ZNF138: variants seen among roughly 807,000 people sequenced by gnomAD.
The protein encoded by ZNF138 is zinc finger protein 138 (clone pHZ-32).
ZNF138 carries 33 observed loss-of-function variants against 33.0 expected under a neutral mutation model. That is an observed-to-expected ratio of 1.00 (90% CI 0.76 to 1.34). ZNF138 has a LOEUF of 1.34. Among genes scored for constraint, ZNF138 ranks in the 40% most tolerant of loss-of-function variants. The pLI is 0.00. For synonymous variants in ZNF138, 139 were observed against 120.4 expected (o/e 1.15, Z -1.01); for missense variants, 360 against 370.8 (o/e 0.97, Z 0.24).
At chr7:64,824,225 C>G (rs894153047) in intron 3 of ZNF138, among the ~76,000 whole-genome samples, 2 of 152,136 alleles carry the variant, frequency 1.3e-5, no homozygotes, top group Admixed American at 1.3e-4. Context: ...AAAATTTACA[C>G]TTAATTCACA....
At chr7:64,843,378 T>C in the ZNF138 span, among the ~76,000 whole-genome samples, 1 of 152,226 alleles carries the variant, frequency 6.6e-6, no homozygotes, top group Non-Finnish European at 1.5e-5. Context: ...GAGAAATCCT[T>C]ATTTTGTTTT....
chr7:64,854,677 G>A, the ZNF138 span, among the ~76,000 whole-genome samples: 1 of 152,154 alleles, frequency 6.6e-6, no homozygotes, highest in East Asian at 1.9e-4. Context: ...TCAATGGCTT[G>A]GCATAATTGA....
Position 64,819,451 on chromosome 7 carries a change from TCCA to T in ZNF138, c.208+3801_208+3803del, listed in dbSNP as rs1326304806. ...GGAAGGATCTTGGCTCACTGCAACC[TCCA>T]CCTTTTAGGCTCAAGTGATTCTCCT... is the stretch of plus-strand genomic sequence containing the variant. On this transcript the variant is annotated intron_variant, in intron 3 of 3. Transcript: ENST00000307355. Among the ~76,000 whole-genome samples the T allele has an allele frequency of 2.0e-5, 3 of 151,586 alleles. No individual in the cohort carries two copies. The East Asian group carries it at 5.9e-4, about 30-fold the overall frequency.
chr7:64,828,444 T>G (rs1171861856), intron 3 of ZNF138, among the ~76,000 whole-genome samples: 2 of 152,150 alleles, frequency 1.3e-5, no homozygotes, highest in Non-Finnish European at 2.9e-5. Context: ...TTTCCATGGC[T>G]GGCCCATTTC....
chr7:64,830,928 GT>G (rs1382601852), intron 3 of ZNF138: 1 of 1,548,538 alleles, frequency 6.5e-7, no homozygotes, highest in Non-Finnish European at 8.7e-7. Context: ...ACTGTTCCCT[GT>G]CTCTTTGCAG....
chr7:64,801,532 G>T (rs963931437), intron 1 of ZNF138, among the ~76,000 whole-genome samples: 1 of 152,062 alleles, frequency 6.6e-6, no homozygotes, highest in Non-Finnish European at 1.5e-5. Flanking sequence ...TATGTGGTTG[G>T]TATAATTTTG....
chr7:64,847,944 A>G, the ZNF138 span, among the ~76,000 whole-genome samples: 1 of 151,938 alleles, frequency 6.6e-6, no homozygotes. Context: ...TTTGTTTTAT[A>G]GGTCCTGTGA....
Position 64,805,255 on chromosome 7 carries a change from TG to T in ZNF138, c.4-9660del, listed in dbSNP as rs1432768889. ...CCACCAAAAATACAAAAAAATTAGC[TG>T]GGCGTGGTGGCAGGTGCCTGTAATC... On this transcript the variant is annotated intron_variant, in intron 1 of 3. Transcript: ENST00000307355. Among the ~76,000 whole-genome samples, 11 of 152,054 alleles carry T rather than the reference TG, an allele frequency of 7.2e-5. No homozygotes were observed. In the East Asian group the frequency reaches 1.7e-3, roughly 24 times the overall value.
the ZNF138 span, chr7:64,853,077 C>T: frequency 1.7e-5 from 24 of 1,423,018 alleles, no homozygotes; most frequent in East Asian, 3.0e-4. Flanking sequence ...ACGTAAGAGT[C>T]GTCTACAATT....
At chr7:64,844,008 G>C in the ZNF138 span, among the ~76,000 whole-genome samples, 1 of 152,046 alleles carries the variant, frequency 6.6e-6, no homozygotes, top group African/African-American at 2.4e-5. Flanking sequence ...ATTTTTAGTA[G>C]ACACAGGGTT....
chr7:64,823,486 C>T (rs1209976045), intron 3 of ZNF138, among the ~76,000 whole-genome samples: 1 of 152,092 alleles, frequency 6.6e-6, no homozygotes, highest in Non-Finnish European at 1.5e-5. Flanking sequence ...CAGACATGCA[C>T]TACCATGTTC....
chr7:64,801,143 A>G (rs2128986029), intron 1 of ZNF138, among the ~76,000 whole-genome samples: 1 of 152,110 alleles, frequency 6.6e-6, no homozygotes, highest in East Asian at 1.9e-4. Context: ...GATCTGTTGC[A>G]TAGTTTTTTA....
chr7:64,838,340 A>G (rs1401228101), downstream of ZNF138, among the ~76,000 whole-genome samples: 1 of 152,176 alleles, frequency 6.6e-6, no homozygotes, highest in Non-Finnish European at 1.5e-5. Flanking sequence ...GTTTTGCCCA[A>G]TGACCTGGAT....
chr7:64,808,063 C>T lies in ZNF138; in HGVS notation c.4-6855C>T, dbSNP rs114689677. 3.9e-3 allele frequency among the ~76,000 whole-genome samples: 595 copies of T among 152,282 alleles called. 2 individuals are homozygous for T. Among genetic ancestry groups the T allele is most frequent in the African/African-American group, 0.013 (561 of 41,558 alleles). ...CCTGTCCCACTCCTGCTTGGCTTAT[C>T]CTTAAGCAATCAGCCTAGGGTCACT... On this transcript the variant is annotated intron_variant, in intron 1 of 3. Transcript: ENST00000307355.
At chr7:64,800,206 T>C (rs73142719) in intron 1 of ZNF138, among the ~76,000 whole-genome samples, 41,874 of 152,056 alleles carry the variant, frequency 0.28, 7,059 homozygotes, top group Middle Eastern at 0.37. Flanking sequence ...CCTGATTAAC[T>C]GTGGTGTGGA....
intron 3 of ZNF138, among the ~76,000 whole-genome samples, chr7:64,817,767 TTATTTTC>T (rs908267663): frequency 1.3e-4 from 20 of 152,260 alleles, no homozygotes; most frequent in African/African-American, 4.3e-4. Context: ...TTTTTATTTT[TTATTTTC>T]TATTTCATAT....
In ZNF138 at chr7:64,832,726, T is replaced by C; in HGVS notation, c.*524T>C. The C allele has an allele frequency of 2.2e-6, 1 of 445,942 alleles. No individual in the cohort carries two copies. Among genetic ancestry groups the C allele is most frequent in the South Asian group, 1.8e-5 (1 of 56,676 alleles). 27.6% of individuals were successfully genotyped at this position (445,942 alleles called of 1,614,324 possible). On this transcript the variant is annotated 3_prime_UTR_variant, in exon 4 of 4. Transcript: ENST00000307355. ...TCCTCAACTCTTACTGCACATAAGA[T>C]CATTCATACTGGAGAGAAACCTTAC...
chr7:64,800,596 A>G (rs907818870), intron 1 of ZNF138, among the ~76,000 whole-genome samples: 1 of 152,186 alleles, frequency 6.6e-6, no homozygotes, highest in African/African-American at 2.4e-5. Flanking sequence ...CCAGTATTTT[A>G]TTGAAGATTT....
intron 1 of ZNF138, among the ~76,000 whole-genome samples, chr7:64,812,096 G>T (rs1788218717): frequency 6.8e-6 from 1 of 146,920 alleles, no homozygotes; most frequent in African/African-American, 2.5e-5. Context: ...AGTTCCTCCT[G>T]TGACTCTCAG....
Sources: allele counts gnomAD v4.1 joint callset (sites outside exome capture counted in the v4.1 genomes callset), GRCh38; gene constraint gnomAD v4.1.1; transcripts MANE v1.5; gene names NCBI Gene and HGNC (gene_info 2026-07-23, HGNC 2026-07-21).